SCFD2: variants seen among roughly 807,000 people sequenced by gnomAD.
The protein encoded by SCFD2 is sec1 family domain-containing protein 2.
A neutral mutation model predicts 58.9 loss-of-function variants in SCFD2; 54 were observed. The ratio of observed to expected loss-of-function variants is 0.92; its 90% confidence interval spans 0.74 to 1.15. The LOEUF is 1.15. SCFD2 is among the 50% of genes most tolerant of loss of function. The probability of loss-of-function intolerance (pLI) is 0.00; values close to 1 mark genes in which losing one functional copy is unlikely to be tolerated. For missense variants in SCFD2, 805 were observed against 836.6 expected (o/e 0.96, Z 0.47); for synonymous variants, 321 against 335.9 (o/e 0.96, Z 0.49).
intron 5 of SCFD2, among the ~76,000 whole-genome samples, chr4:52,926,391 GACAC>G (rs1035510714): frequency 2.6e-5 from 4 of 151,384 alleles, no homozygotes; most frequent in African/African-American, 4.9e-5. Context: ...TACACACACA[GACAC>G]ACACACGCAC....
intron 5 of SCFD2, among the ~76,000 whole-genome samples, chr4:53,144,387 G>C (rs943640324): frequency 2.7e-5 from 4 of 149,170 alleles, no homozygotes; most frequent in Non-Finnish European, 5.9e-5. Context: ...GTGTGCATGT[G>C]TATATATACA....
chr4:53,180,754 A>AG (rs1004889873), intron 4 of SCFD2, among the ~76,000 whole-genome samples: 16 of 152,318 alleles, frequency 1.1e-4, no homozygotes, highest in Admixed American at 8.5e-4. Context: ...TCAGACCGCT[A>AG]GCAAGACTAA....
chr4:53,149,188 A>G (rs1305998477), intron 4 of SCFD2, among the ~76,000 whole-genome samples: 2 of 152,214 alleles, frequency 1.3e-5, no homozygotes, highest in Admixed American at 6.5e-5. Flanking sequence ...TTAGTTTCTA[A>G]TATCATTCTC....
intron 7 of SCFD2, among the ~76,000 whole-genome samples, chr4:52,893,234 TTCTCTCTC>T (rs150709202): frequency 3.3e-5 from 5 of 151,126 alleles, no homozygotes; most frequent in Admixed American, 6.6e-5. Flanking sequence ...TTTCCCTTCT[TTCTCTCTC>T]TCTCTCTCTT....
chr4:52,965,014 AAC>A (rs146576584), intron 5 of SCFD2, among the ~76,000 whole-genome samples: 30 of 144,824 alleles, frequency 2.1e-4, no homozygotes, highest in African/African-American at 5.2e-4. Flanking sequence ...ACAAAACACA[AAC>A]ACACACACAC....
At chr4:53,044,916 C>CGCCCGCCA (rs1337973164) in intron 5 of SCFD2, among the ~76,000 whole-genome samples, 2 of 110,288 alleles carry the variant, frequency 1.8e-5, no homozygotes, top group Non-Finnish European at 1.7e-5. Flanking sequence ...ACCCCCCCCC[C>CGCCCGCCA]CCGCCCACAA....
intron 5 of SCFD2, among the ~76,000 whole-genome samples, chr4:52,969,234 A>G (rs895955964): frequency 3.3e-5 from 5 of 152,230 alleles, no homozygotes; most frequent in South Asian, 2.1e-4. Flanking sequence ...CTTTTTCCTG[A>G]CTGCAAGACC....
chr4:52,953,641 C>T (rs1245029271), intron 5 of SCFD2, among the ~76,000 whole-genome samples: 2 of 152,180 alleles, frequency 1.3e-5, no homozygotes, highest in East Asian at 1.9e-4. Flanking sequence ...GAACCTGAAA[C>T]TGCTTTGTCA....
Position 53,148,027 on chromosome 4 carries a change from G to A in SCFD2, c.1312-2445C>T, listed in dbSNP as rs1372800061. Among the ~76,000 whole-genome samples the A allele has an allele frequency of 2.6e-5, 4 of 152,180 alleles. No homozygotes were observed. In the East Asian group the frequency reaches 7.7e-4, roughly 29 times the overall value. ...GAAGGCTGCAGCTTTCATTTTGGCT[G>A]TTTACTCTACCACTAACTCCTTAGA... On this transcript the variant is annotated intron_variant, in intron 4 of 8. Coordinates refer to ENST00000401642, the MANE Select transcript of SCFD2 (RefSeq NM_152540.4).
chr4:53,111,629 G>A (rs1342250437), intron 5 of SCFD2, among the ~76,000 whole-genome samples: 1 of 152,098 alleles, frequency 6.6e-6, no homozygotes, highest in Non-Finnish European at 1.5e-5. Context: ...AATCAATTGT[G>A]TAAGCTGAAT....
chr4:52,879,928 C>T (rs923196228), intron 8 of SCFD2, among the ~76,000 whole-genome samples: 1 of 152,240 alleles, frequency 6.6e-6, no homozygotes, highest in Non-Finnish European at 1.5e-5. Flanking sequence ...CCCACATATG[C>T]ACAGGCACCA....
intron 2 of SCFD2, among the ~76,000 whole-genome samples, chr4:53,323,544 T>A (rs1304165415): frequency 6.7e-6 from 1 of 149,072 alleles, no homozygotes; most frequent in Non-Finnish European, 1.5e-5. Flanking sequence ...TTTTTTTTTT[T>A]TTTTTTTTTT....
At chr4:53,348,718 T>C (rs1161524062) in intron 2 of SCFD2, among the ~76,000 whole-genome samples, 1 of 109,394 alleles carries the variant, frequency 9.1e-6, no homozygotes, top group Non-Finnish European at 1.8e-5. Flanking sequence ...TATGACCATA[T>C]TTTTTTTTTT....
At chr4:52,904,088 A>G (rs1719288158) in intron 7 of SCFD2, among the ~76,000 whole-genome samples, 1 of 152,156 alleles carries the variant, frequency 6.6e-6, no homozygotes, top group African/African-American at 2.4e-5. Context: ...TTCCCAGCAC[A>G]TCTCTCACCA....
At chr4:53,098,076 A>T (rs547287106) in intron 5 of SCFD2, among the ~76,000 whole-genome samples, 1 of 152,180 alleles carries the variant, frequency 6.6e-6, no homozygotes, top group African/African-American at 2.4e-5. Flanking sequence ...CCACTTGATC[A>T]TGGTGGATAA....
intron 5 of SCFD2, among the ~76,000 whole-genome samples, chr4:53,077,402 C>T (rs998307059): frequency 6.6e-5 from 10 of 152,058 alleles, no homozygotes; most frequent in African/African-American, 2.2e-4. Context: ...GTATTAAAAA[C>T]TTATTCTATC....
chr4:53,130,617 C>T (rs1049668690), intron 5 of SCFD2, among the ~76,000 whole-genome samples: 1 of 152,150 alleles, frequency 6.6e-6, no homozygotes, highest in Non-Finnish European at 1.5e-5. Context: ...TATGGCCACA[C>T]GACTTTGGTT....
intron 5 of SCFD2, among the ~76,000 whole-genome samples, chr4:52,986,814 A>G (rs961332419): frequency 3.3e-5 from 5 of 151,844 alleles, no homozygotes; most frequent in Admixed American, 6.6e-5. Flanking sequence ...TTCTTAAAGT[A>G]CCTAATTTAA....
intron 1 of SCFD2, among the ~76,000 whole-genome samples, chr4:53,354,284 G>A (rs1196931616): frequency 6.6e-6 from 1 of 152,230 alleles, no homozygotes; most frequent in Non-Finnish European, 1.5e-5. Context: ...GGTGGGCTGG[G>A]AGTGCTGGGG....
Sources: gnomAD v4.1 joint callset for allele counts (sites outside exome capture counted in the v4.1 genomes callset) on GRCh38, gnomAD v4.1.1 for gene constraint, MANE v1.5 for transcripts, NCBI Gene and HGNC (gene_info 2026-07-23, HGNC 2026-07-21) for gene names.